PTCHD1: variants seen among roughly 807,000 people sequenced by gnomAD.
The protein encoded by PTCHD1 is patched domain-containing protein 1.
In PTCHD1, 3 loss-of-function variants were observed where a neutral mutation model predicts 34.6. The ratio of observed to expected loss-of-function variants is 0.09; its 90% CI spans 0.04 to 0.22. The LOEUF is 0.22. Among genes scored for constraint, PTCHD1 ranks in the 10% least tolerant of loss-of-function variants. PTCHD1 has a pLI of 1.00. For missense variants in PTCHD1, 504 were observed against 685.5 expected, an observed-to-expected ratio of 0.74 and a Z score of 2.96; for synonymous variants, 305 against 283.1, an observed-to-expected ratio of 1.08 and a Z score of -0.77.
chrX:23,366,573 C>G (rs1436029741), intron 1 of PTCHD1, among the ~76,000 whole-genome samples: 2 of 111,905 alleles, frequency 1.8e-5, no homozygotes, highest in African/African-American at 6.5e-5. Flanking sequence ...CCTTAATTAA[C>G]TCTTCCTCAT....
rs763930024 is a variant in PTCHD1, at chrX:23,379,981, A to G, written c.742A>G (p.Lys248Glu). The G allele has an allele frequency of 9.1e-6, 11 of 1,212,061 alleles. No homozygotes were observed. Among genetic ancestry groups the G allele is most frequent in the Non-Finnish European group, 1.0e-5 (9 of 895,591 alleles). The change falls in exon 2 of 3, where the codon AAA becomes GAA. Residue 248 changes from lysine to glutamate, a missense_variant. Coordinates refer to ENST00000379361, the MANE Select transcript of PTCHD1 (RefSeq NM_173495.3). ...GTTTCAGAAATCCAACAGCAAAGTCAAAATGTACCCTTACACGTCCTCCTC... is the reference window on the plus strand; with the variant it reads ...GTTTCAGAAATCCAACAGCAAAGTCGAAATGTACCCTTACACGTCCTCCTC... ...RLFQKSNSKV[K>E]MYPYTSSSLR...
At position 23,370,744 on chromosome X, in the gene PTCHD1, C is replaced by T. The variant is rs148078840; in HGVS notation, c.352-8847C>T. Among the ~76,000 whole-genome samples, 814 of 112,029 alleles carry T rather than the reference C, an allele frequency of 7.3e-3. 11 individuals are homozygous for T. Among genetic ancestry groups the T allele is most frequent in the African/African-American group, 0.025 (764 of 30,862 alleles). On this transcript the variant is annotated intron_variant, in intron 1 of 2. Transcript: ENST00000379361. ...TACCAAAGAGCTCATCTGATGAAGA[C>T]ATTTGTATATTTTTTGATTTAACAG...
At chrX:23,385,984 A>G (rs1185678889) in intron 2 of PTCHD1, among the ~76,000 whole-genome samples, 1 of 111,024 alleles carries the variant, frequency 9.0e-6, no homozygotes, top group Non-Finnish European at 1.9e-5. Context: ...TATGTAATAT[A>G]TATTGCTTGA....
At chrX:23,334,565 G>C (rs1200700927), upstream of PTCHD1, 1 of 108,065 alleles carries the variant, frequency 9.3e-6, no homozygotes, top group Admixed American at 9.6e-5. Context: ...GGAGGCCGCG[G>C]GGGGTGGGGA....
chrX:23,357,086 G>C (rs1329852118), intron 1 of PTCHD1, among the ~76,000 whole-genome samples: 3 of 112,140 alleles, frequency 2.7e-5, no homozygotes, highest in Non-Finnish European at 3.8e-5. Flanking sequence ...TGAAGTGTCA[G>C]ACTCTTTCTA....
At chrX:23,338,536 C>A (rs1343863463) in intron 1 of PTCHD1, among the ~76,000 whole-genome samples, 1 of 112,119 alleles carries the variant, frequency 8.9e-6, no homozygotes, top group Non-Finnish European at 1.9e-5. Flanking sequence ...ATAATGACAT[C>A]ATCTTTATAG....
intron 1 of PTCHD1, among the ~76,000 whole-genome samples, chrX:23,361,265 T>A (rs771106439): frequency 9.0e-6 from 1 of 111,721 alleles, no homozygotes; most frequent in East Asian, 2.8e-4. Flanking sequence ...AGTCTCCCAT[T>A]ATTACTGTGT....
chrX:23,345,729 T>G (rs1208074689), intron 1 of PTCHD1, among the ~76,000 whole-genome samples: 2 of 111,544 alleles, frequency 1.8e-5, no homozygotes, highest in African/African-American at 6.5e-5. Flanking sequence ...TCCTAGAAAT[T>G]AGCTACCAGG....
chrX:23,335,339 G>T (rs894863761), intron 1 of PTCHD1, 113 bp downstream of exon 1: 127 of 632,128 alleles, frequency 2.0e-4, no homozygotes, highest in Non-Finnish European at 2.9e-4. Flanking sequence ...GGCAGCTGCC[G>T]CAGGGACTCT....
chrX:23,377,572 A>AGG (rs3221920), intron 1 of PTCHD1, among the ~76,000 whole-genome samples: 64 of 82,283 alleles, frequency 7.8e-4, no homozygotes, highest in South Asian at 3.2e-3. Context: ...ATAGCCTCCT[A>AGG]GGGGTGTGTG....
chrX:23,334,780 G>C (rs1351469569), upstream of PTCHD1: 15 of 266,360 alleles, frequency 5.6e-5, no homozygotes, highest in African/African-American at 3.9e-4. Flanking sequence ...GCCGCCGCGG[G>C]CGCCGCTGCC....
rs1420215253 is a variant in PTCHD1 at position 23,393,269 on chromosome X, G to A, written c.1751G>A (p.Arg584Gln). ...CTAGAATACACCAAGGGGTTTGTGC[G>A]GATATCCTGGTTTGAGAGCTATTTA... ...DVLEYTKGFV[R>Q]ISWFESYLNY... The change falls in exon 3 of 3, where the codon CGG becomes CAG. Residue 584 changes from arginine (R) to glutamine (Q), a missense_variant. Coordinates refer to ENST00000379361, the MANE Select transcript of PTCHD1 (RefSeq NM_173495.3). 4 of 1,210,953 alleles carry A rather than the reference G, an allele frequency of 3.3e-6. No individual in the cohort carries two copies. The highest frequency in any genetic ancestry group is 4.5e-6 in the Non-Finnish European group (4 of 894,686).
At chrX:23,361,499 T>G (rs1921982309) in intron 1 of PTCHD1, among the ~76,000 whole-genome samples, 1 of 111,699 alleles carries the variant, frequency 9.0e-6, no homozygotes, top group South Asian at 3.8e-4. Flanking sequence ...TTCCATTTGC[T>G]TGGTAGATCT....
chrX:23,361,901 A>G (rs1326613381), intron 1 of PTCHD1, among the ~76,000 whole-genome samples: 1 of 111,646 alleles, frequency 9.0e-6, no homozygotes, highest in African/African-American at 3.3e-5. Context: ...TTTCTCCTTC[A>G]CTTATGAAGC....
chrX:23,397,710 C>G lies in PTCHD1; in HGVS notation c.*3525C>G, dbSNP rs1601919814. On this transcript the variant is annotated 3_prime_UTR_variant, in exon 3 of 3. Transcript: ENST00000379361. ...GTAACCCTTGACCCTTTAATTCTAA[C>G]TAACCATCACCCAATCGTAAGTGGC... 9.0e-6 allele frequency: 1 copy of G among 111,112 alleles called. No individual in the cohort carries two copies. The highest frequency in any genetic ancestry group is 2.8e-4 in the East Asian group (1 of 3,524). 9.2% of individuals were successfully genotyped at this position (111,112 alleles called of 1,213,427 possible).
chrX:23,372,109 A>T (rs896751808), intron 1 of PTCHD1, among the ~76,000 whole-genome samples: 4 of 110,849 alleles, frequency 3.6e-5, no homozygotes, highest in Non-Finnish European at 7.6e-5. Context: ...GATGATGATA[A>T]TGTCATGTCA....
intron 1 of PTCHD1, among the ~76,000 whole-genome samples, chrX:23,356,319 T>C: frequency 8.9e-6 from 1 of 112,407 alleles, no homozygotes; most frequent in Non-Finnish European, 1.9e-5. Flanking sequence ...CATTATAATA[T>C]TTCAAGTGAT....
At chrX:23,386,444 C>T (rs181531115) in intron 2 of PTCHD1, among the ~76,000 whole-genome samples, 1 of 112,052 alleles carries the variant, frequency 8.9e-6, no homozygotes, top group East Asian at 2.8e-4. Context: ...TTTATTCTTA[C>T]TCTTAACTCT....
intron 2 of PTCHD1, among the ~76,000 whole-genome samples, chrX:23,386,787 G>C (rs745752668): frequency 6.2e-5 from 7 of 112,453 alleles, no homozygotes; most frequent in Non-Finnish European, 1.1e-4. Flanking sequence ...ATGAAATTTG[G>C]CACTGCCCAG....
Sources: allele counts gnomAD v4.1 joint callset (sites outside exome capture counted in the v4.1 genomes callset), GRCh38; gene constraint gnomAD v4.1.1; transcripts MANE v1.5; gene names NCBI Gene and HGNC (gene_info 2026-07-23, HGNC 2026-07-21).